Variants in PLCB1 observed in about 807,000 individuals in gnomAD.
The protein encoded by PLCB1 is 1-phosphatidylinositol 4,5-bisphosphate phosphodiesterase beta-1.
A neutral mutation model predicts 161.8 loss-of-function variants in PLCB1; 46 were observed. The ratio of observed to expected loss-of-function variants is 0.28; its 90% CI spans 0.22 to 0.36. PLCB1 has a LOEUF of 0.36. Ranked by LOEUF, PLCB1 falls within the 10% of genes least tolerant of loss-of-function variation. The pLI is 1.00. For synonymous variants in PLCB1, 517 were observed against 503.7 expected (o/e 1.03, Z -0.35); for missense variants, 1,016 against 1,472.5 (o/e 0.69, Z 5.07).
At chr20:8,426,226 G>A (rs952737926) in intron 3 of PLCB1, among the ~76,000 whole-genome samples, 4 of 152,168 alleles carry the variant, frequency 2.6e-5, no homozygotes, top group African/African-American at 9.7e-5. Context: ...TGAGAAATGT[G>A]CTACTTTAAC....
intron 22 of PLCB1, among the ~76,000 whole-genome samples, chr20:8,740,672 T>G (rs1980829609): frequency 6.6e-6 from 1 of 152,240 alleles, no homozygotes; most frequent in Admixed American, 6.5e-5. Context: ...CACCTCAGTT[T>G]TTTGAATATT....
At chr20:8,795,977 A>T (rs1984009110) in intron 31 of PLCB1, among the ~76,000 whole-genome samples, 1 of 151,860 alleles carries the variant, frequency 6.6e-6, no homozygotes, top group African/African-American at 2.4e-5. Flanking sequence ...GCTGCTCCTG[A>T]CTCTCTTTAT....
chr20:8,812,508 T>G (rs1475786485), intron 31 of PLCB1, among the ~76,000 whole-genome samples: 8 of 152,192 alleles, frequency 5.3e-5, no homozygotes, highest in Non-Finnish European at 1.2e-4. Flanking sequence ...TGAAGTCCGC[T>G]GGACTCAAGT....
At chr20:8,538,448 A>T (rs1174334123) in intron 3 of PLCB1, among the ~76,000 whole-genome samples, 1 of 151,720 alleles carries the variant, frequency 6.6e-6, no homozygotes, top group East Asian at 2.0e-4. Context: ...CTGGGCTCAA[A>T]TGATCCTCCC....
At chr20:8,460,991 A>T (rs535224922) in intron 3 of PLCB1, among the ~76,000 whole-genome samples, 1 of 152,342 alleles carries the variant, frequency 6.6e-6, no homozygotes, top group African/African-American at 2.4e-5. Flanking sequence ...ATGAGTGGCC[A>T]CTTGCCCGAT....
Position 8,369,173 on chromosome 20 carries a change from C to G in PLCB1, c.178-2209C>G, listed in dbSNP as rs147445695. Among the ~76,000 whole-genome samples the G allele has an allele frequency of 9.9e-5, 15 of 152,246 alleles. No individual in the cohort carries two copies. The East Asian group carries it at 2.9e-3, about 29-fold the overall frequency. Reference sequence around the variant, plus strand: ...CTCAAACCAACATCTCCAGAATGCACTATCATTTTGCCCAAACTTCTGAGT... The same window carrying G: ...CTCAAACCAACATCTCCAGAATGCAGTATCATTTTGCCCAAACTTCTGAGT... On this transcript the variant is annotated intron_variant, in intron 2 of 31. Coordinates refer to ENST00000338037, the MANE Select transcript of PLCB1 (RefSeq NM_015192.4).
chr20:8,652,254 CAAATT>C (rs1410955796), intron 7 of PLCB1: 3 of 151,978 alleles, frequency 2.0e-5, no homozygotes, highest in African/African-American at 7.2e-5. Flanking sequence ...TTATCTCTAA[CAAATT>C]AAATGTAATG....
At chr20:8,585,347 G>A (rs2123092204) in intron 3 of PLCB1, among the ~76,000 whole-genome samples, 1 of 152,298 alleles carries the variant, frequency 6.6e-6, no homozygotes, top group Admixed American at 6.5e-5. Context: ...CCATTGCCAA[G>A]ACTCCAGTTC....
chr20:8,737,125 A>G lies in PLCB1; in HGVS notation c.2141A>G (p.Lys714Arg), dbSNP rs2123510534. ...LPVDTRRKAFKTKTSQGNAVN... is the reference protein window; with the variant it reads ...LPVDTRRKAFRTKTSQGNAVN... ...GTGGATACAAGGAGGAAGGCATTTA[A>G]GACCAAAACATCCCAAGGAAATGCT... is the stretch of plus-strand genomic sequence containing the variant. Residue 714 changes from lysine (K) to arginine (R), a missense_variant, in exon 20 of 32, where the codon AAG (lysine) becomes AGG (arginine). By Grantham distance (26) the Lys-to-Arg change is conservative (BLOSUM62 2). Coordinates refer to ENST00000338037, the MANE Select transcript of PLCB1 (RefSeq NM_015192.4). 1.2e-6 allele frequency: 2 copies of G among 1,613,938 alleles called. No homozygotes were observed. The highest frequency in any genetic ancestry group is 2.2e-5 in the South Asian group (2 of 91,080).
At chr20:8,313,693 TTC>T (rs1163923830) in intron 2 of PLCB1, among the ~76,000 whole-genome samples, 5 of 152,298 alleles carry the variant, frequency 3.3e-5, no homozygotes, top group Admixed American at 6.5e-5. Context: ...ACTTCACATT[TTC>T]TCTCTGTTTT....
chr20:8,760,801 A>G (rs1368932689), intron 25 of PLCB1, among the ~76,000 whole-genome samples: 2 of 152,240 alleles, frequency 1.3e-5, no homozygotes, highest in African/African-American at 4.8e-5. Context: ...TATATTTTAG[A>G]TATGCAGAAT....
At chr20:8,651,331 A>G in intron 7 of PLCB1, 1 of 664,142 alleles carries the variant, frequency 1.5e-6, no homozygotes, top group Non-Finnish European at 2.8e-6. Context: ...AGACTTTTCA[A>G]AACAGCAAAG....
At chr20:8,751,656 G>A (rs1201887677) in intron 23 of PLCB1, 1 of 152,114 alleles carries the variant, frequency 6.6e-6, no homozygotes, top group Non-Finnish European at 1.5e-5. Context: ...CCACTAGAGG[G>A]CAGGAACTTA....
At chr20:8,321,919 G>C (rs1299651617) in intron 2 of PLCB1, among the ~76,000 whole-genome samples, 1 of 152,056 alleles carries the variant, frequency 6.6e-6, no homozygotes. Flanking sequence ...ATTTCTCTGG[G>C]TTCCACAATG....
intron 7 of PLCB1, among the ~76,000 whole-genome samples, chr20:8,655,372 C>T (rs1398000966): frequency 6.6e-6 from 1 of 152,012 alleles, no homozygotes; most frequent in South Asian, 2.1e-4. Context: ...GAAATAGAGC[C>T]ATTAACAGAC....
At chr20:8,845,784 ATTTG>A (rs1183101816) in intron 31 of PLCB1, among the ~76,000 whole-genome samples, 1 of 152,218 alleles carries the variant, frequency 6.6e-6, no homozygotes, top group African/African-American at 2.4e-5. Context: ...CACACAGAGG[ATTTG>A]TTTAACACAA....
At position 8,265,621 on chromosome 20, in the gene PLCB1, A is replaced by G. The variant is rs546675688; in HGVS notation, c.178-105761A>G. ...TATCTTAATGTGTTCTTGTCCTTTA[A>G]TTTTTATTCTGCAACATATGAACTT... On this transcript the variant is annotated intron_variant, in intron 2 of 31. Transcript: ENST00000338037. Among the ~76,000 whole-genome samples the G allele has an allele frequency of 6.6e-4, 101 of 152,194 alleles. 1 individual carries two copies. The highest frequency in any genetic ancestry group is 1.1e-3 in the Non-Finnish European group (74 of 67,996).
chr20:8,442,596 T>C (rs1416314598), intron 3 of PLCB1, among the ~76,000 whole-genome samples: 3 of 152,200 alleles, frequency 2.0e-5, no homozygotes, highest in Admixed American at 1.3e-4. Context: ...TTTCTTAATT[T>C]AAAGCTCAGT....
rs117873605 is a variant in PLCB1 at position 8,272,608 on chromosome 20, C to A, written c.178-98774C>A. Reference sequence around the variant, plus strand: ...ATTTAGCCAATTGACCTCGAGTATACCCACATTAGAAAACTACACTCCAAA... The same window carrying A: ...ATTTAGCCAATTGACCTCGAGTATAACCACATTAGAAAACTACACTCCAAA... On this transcript the variant is annotated intron_variant, in intron 2 of 31. Transcript: ENST00000338037. Among the ~76,000 whole-genome samples, 654 of 151,548 alleles carry A rather than the reference C, an allele frequency of 4.3e-3. 37 individuals are homozygous for A. In the South Asian group the frequency reaches 0.11, roughly 25 times the overall value.
Sources: allele counts gnomAD v4.1 joint callset (sites outside exome capture counted in the v4.1 genomes callset), GRCh38; gene constraint gnomAD v4.1.1; transcripts MANE v1.5; gene names NCBI Gene and HGNC (gene_info 2026-07-23, HGNC 2026-07-21).